The following CDK13 variants were observed in gnomAD, a reference collection of about 807,000 sequenced individuals.
CDK13 encodes cyclin-dependent kinase 13.
Under a neutral mutation model 137.6 loss-of-function variants are expected in CDK13, and 40 were observed. The ratio of observed to expected loss-of-function variants is 0.29; its 90% CI spans 0.23 to 0.38. CDK13 has a LOEUF of 0.38. Ranked by LOEUF, CDK13 falls within the 10% of genes least tolerant of loss-of-function variation. The pLI, the probability that CDK13 is intolerant of heterozygous loss-of-function variation, is 1.00. For missense variants in CDK13, 1,704 were observed against 1,951.8 expected (o/e 0.87, Z 2.39); for synonymous variants, 869 against 760.1 (o/e 1.14, Z -2.36).
At chr7:40,018,778 G>C (rs937521168) in intron 5 of CDK13, among the ~76,000 whole-genome samples, 1 of 152,018 alleles carries the variant, frequency 6.6e-6, no homozygotes, top group Non-Finnish European at 1.5e-5. Context: ...GGGAGGCAGG[G>C]TACAGTGTAC....
intron 5 of CDK13, among the ~76,000 whole-genome samples, chr7:40,006,093 G>A (rs866038398): frequency 2.6e-5 from 4 of 152,132 alleles, no homozygotes; most frequent in South Asian, 4.1e-4. Flanking sequence ...TCCTCCTAAC[G>A]CTTTCATCTG....
intron 1 of CDK13, among the ~76,000 whole-genome samples, chr7:39,962,148 A>AC (rs1480137728): frequency 6.6e-6 from 1 of 152,220 alleles, no homozygotes; most frequent in Non-Finnish European, 1.5e-5. Flanking sequence ...TTGGGTACAT[A>AC]CCCAGTAATG....
At chr7:39,961,073 CTT>C (rs1389618841) in intron 1 of CDK13, among the ~76,000 whole-genome samples, 1 of 151,780 alleles carries the variant, frequency 6.6e-6, no homozygotes, top group Admixed American at 6.6e-5. Context: ...TAACTCTACT[CTT>C]TGGCTGGGCA....
chr7:40,026,368 G>A (rs1043805586), intron 5 of CDK13, among the ~76,000 whole-genome samples: 1 of 151,988 alleles, frequency 6.6e-6, no homozygotes, highest in Admixed American at 6.6e-5. Context: ...CATTAGCTGA[G>A]CATGGTGGCA....
chr7:40,044,060 C>G (rs1043057551), intron 5 of CDK13, among the ~76,000 whole-genome samples: 3 of 151,776 alleles, frequency 2.0e-5, no homozygotes, highest in African/African-American at 7.3e-5. Flanking sequence ...CCATGCCTGG[C>G]TAGTTTTTGT....
intron 12 of CDK13, among the ~76,000 whole-genome samples, chr7:40,092,049 C>CA (rs981492513): frequency 6.6e-6 from 1 of 151,746 alleles, no homozygotes; most frequent in African/African-American, 2.4e-5. Context: ...TTAATACTAT[C>CA]ATATGCATAT....
chr7:40,078,153 C>T, intron 10 of CDK13, 32 bp downstream of exon 10: 1 of 1,016,346 alleles, frequency 9.8e-7, no homozygotes, highest in South Asian at 1.5e-5. Flanking sequence ...ATCCTTATTG[C>T]ATGAATGTTT....
chr7:40,064,093 T>C (rs541882647), intron 9 of CDK13, among the ~76,000 whole-genome samples: 1 of 152,146 alleles, frequency 6.6e-6, no homozygotes, highest in Non-Finnish European at 1.5e-5. Flanking sequence ...GAGACCAGCC[T>C]GACCAACATG....
intron 5 of CDK13, among the ~76,000 whole-genome samples, chr7:40,037,735 G>A (rs1168795922): frequency 6.6e-6 from 1 of 152,154 alleles, no homozygotes; most frequent in African/African-American, 2.4e-5. Flanking sequence ...TAAACTAAAA[G>A]CCCTGGTTCC....
chr7:40,026,317 T>C (rs1311086691), intron 5 of CDK13, among the ~76,000 whole-genome samples: 2 of 152,198 alleles, frequency 1.3e-5, no homozygotes, highest in African/African-American at 4.8e-5. Flanking sequence ...GAGACCTGCC[T>C]GGACAACATA....
chr7:39,966,571 G>A (rs1229628004), intron 1 of CDK13, among the ~76,000 whole-genome samples: 1 of 152,028 alleles, frequency 6.6e-6, no homozygotes, highest in Admixed American at 6.6e-5. Context: ...CCTTTAGCTC[G>A]GAGTAGTTTG....
In CDK13 at chr7:40,094,700, G is replaced by A. The variant is rs765355269; in HGVS notation, c.4259G>A (p.Ser1420Asn). The change falls in exon 14 of 14, where the codon AGT becomes AAT. Residue 1420 changes from serine to asparagine, a missense_variant. Physicochemically the swap from Ser to Asn is conservative, Grantham distance 46. Transcript: ENST00000181839. ...IYLNAGPMLFSGDKDHRFEYS... is the reference protein window; with the variant it reads ...IYLNAGPMLFNGDKDHRFEYS... The stretch of plus-strand genomic sequence containing the variant: ...CTCAATGCTGGTCCCATGTTGTTTA[G>A]TGGAGACAAGGACCATAGATTTGAA... 1 of 1,614,198 alleles carries A rather than the reference G, an allele frequency of 6.2e-7. No homozygotes were observed.
rs747531694 is a variant in CDK13 at position 40,093,013 on chromosome 7, C to T, written c.3464C>T (p.Pro1155Leu). The T allele has an allele frequency of 4.0e-5, 64 of 1,614,014 alleles. No individual in the cohort carries two copies. In the Admixed American group the frequency reaches 7.8e-4, roughly 20 times the overall value. ...ACACCACAACAGGAGTCTTCGAAAC[C>T]GTTGGGAGGAATTCAGCCTTCTTCT... The part of the protein sequence containing the change: ...PSTPQQESSK[P>L]LGGIQPSSQT... Residue 1155 changes from proline (P) to leucine (L), a missense_variant, in exon 13 of 14, where the codon CCG (proline) becomes CTG (leucine). Pro to Leu is a moderately conservative substitution (Grantham distance 98). Coordinates refer to ENST00000181839, the MANE Select transcript of CDK13 (RefSeq NM_003718.5).
At chr7:39,987,444 T>C (rs1056376413) in intron 1 of CDK13, among the ~76,000 whole-genome samples, 155 bp from the exon 2 acceptor site, 1 of 152,192 alleles carries the variant, frequency 6.6e-6, no homozygotes, top group African/African-American at 2.4e-5. Context: ...ATACTCTACT[T>C]TAAAGAAATT....
At chr7:39,982,300 A>G (rs995450166) in intron 1 of CDK13, among the ~76,000 whole-genome samples, 36 of 152,102 alleles carry the variant, frequency 2.4e-4, no homozygotes, top group African/African-American at 8.2e-4. Context: ...TTTACTGAGA[A>G]TGATGATTTC....
In CDK13 at chr7:40,047,345, TG is replaced by T. The variant is rs17496533; in HGVS notation, c.2544-474del. On this transcript the variant is annotated intron_variant, in intron 6 of 13. Transcript: ENST00000181839. ...TTTGTTAATTTAAATAAGGCATGGC[TG>T]GTTCTCATTTTAATTAATAGACAGT... 8.4e-3 allele frequency among the ~76,000 whole-genome samples: 1,278 copies of T among 152,270 alleles called. 18 individuals carry two copies. Among genetic ancestry groups the T allele is most frequent in the African/African-American group, 0.027 (1,143 of 41,572 alleles).
At chr7:40,063,838 A>G (rs1391672077) in intron 9 of CDK13, among the ~76,000 whole-genome samples, 1 of 151,816 alleles carries the variant, frequency 6.6e-6, no homozygotes, top group East Asian at 2.0e-4. Context: ...TTGTATTTGT[A>G]GCAGAGACGG....
chr7:39,992,115 ACAC>A (rs1784470885), intron 2 of CDK13, among the ~76,000 whole-genome samples: 1 of 113,718 alleles, frequency 8.8e-6, no homozygotes, highest in Admixed American at 7.8e-5. Flanking sequence ...GCACACACAC[ACAC>A]AAGCACACAC....
chr7:40,028,422 G>C (rs1438346352), intron 5 of CDK13, among the ~76,000 whole-genome samples: 1 of 152,004 alleles, frequency 6.6e-6, no homozygotes, highest in Non-Finnish European at 1.5e-5. Flanking sequence ...GTTTCACCAT[G>C]TTGGCCAGGA....
Sources: gnomAD v4.1 joint callset for allele counts (sites outside exome capture counted in the v4.1 genomes callset) on GRCh38, gnomAD v4.1.1 for gene constraint, MANE v1.5 for transcripts, NCBI Gene and HGNC (gene_info 2026-07-23, HGNC 2026-07-21) for gene names.